Variants in EIF4A2 observed in about 807,000 individuals in gnomAD.
EIF4A2 encodes the protein eukaryotic translation initiation factor 4A2.
Under a neutral mutation model 50.6 loss-of-function variants are expected in EIF4A2, and 9 were observed. The ratio of observed to expected loss-of-function variants is 0.18; its 90% CI spans 0.11 to 0.31. The LOEUF is 0.31. Among genes scored for constraint, EIF4A2 ranks in the 10% least tolerant of loss-of-function variants. EIF4A2 has a pLI of 1.00. For missense variants in EIF4A2, 182 were observed against 501.8 expected, an observed-to-expected ratio of 0.36 and a Z score of 6.09; for synonymous variants, 215 against 164.4, an observed-to-expected ratio of 1.31 and a Z score of -2.35.
Position 186,785,650 on chromosome 3 carries a change from G to A in EIF4A2, c.349-233G>A, listed in dbSNP as rs530902095. The A allele has an allele frequency of 1.2e-5, 6 of 497,040 alleles. No homozygotes were observed. In the South Asian group the frequency reaches 1.7e-4, roughly 14 times the overall value. The allele number at this position is 497,040 out of a possible 1,614,324, so 30.8% of individuals were successfully genotyped here. A position where few individuals can be genotyped will look rare whatever the true frequency, so the allele number is the denominator to read the frequency against. On this transcript the variant is annotated intron_variant, in intron 4 of 10. Transcript: ENST00000323963. ...ATGTAGGAAACGTTATTCTTGGATTGTCTAGCTGATGCGTGGAGCAGCAGC... is the reference window on the plus strand; with the variant it reads ...ATGTAGGAAACGTTATTCTTGGATTATCTAGCTGATGCGTGGAGCAGCAGC...
Position 186,789,365 on chromosome 3 carries a change from T to C in EIF4A2, c.*96T>C. On this transcript the variant is annotated 3_prime_UTR_variant, in exon 11 of 11. Transcript: ENST00000323963. The stretch of plus-strand genomic sequence containing the variant: ...TCTTTCTTTGGGAATATTTGAATCT[T>C]GTCTCAATGCTCATAACGGATCAGA... 1 of 1,484,178 alleles carries C rather than the reference T, an allele frequency of 6.7e-7. No individual in the cohort carries two copies. The highest frequency in any genetic ancestry group is 2.5e-4 in the Middle Eastern group (1 of 3,936). 91.9% of individuals were successfully genotyped at this position (1,484,178 alleles called of 1,614,324 possible). A position where few individuals can be genotyped will look rare whatever the true frequency, so the allele number is the denominator to read the frequency against.
At chr3:186,787,658 G>A (rs773897993) in intron 9 of EIF4A2, 74 bp downstream of exon 9, 36 of 1,598,142 alleles carry the variant, frequency 2.3e-5, no homozygotes, top group Non-Finnish European at 2.8e-5. Flanking sequence ...AGTAACCTTT[G>A]CCAACTTGGG....
Position 186,789,434 on chromosome 3 carries a change from G to A in EIF4A2, c.*165G>A. ...AAAGCGACGTTAGTCGTGAGCTCTT[G>A]TGAGGAAAGTCATTGGCTTTATCCT... is the stretch of plus-strand genomic sequence containing the variant. On this transcript the variant is annotated 3_prime_UTR_variant, in exon 11 of 11. Transcript: ENST00000323963. The A allele has an allele frequency of 1.1e-6, 1 of 948,556 alleles. No homozygotes were observed. Among genetic ancestry groups the A allele is most frequent in the Non-Finnish European group, 1.5e-6 (1 of 674,594 alleles). 58.8% of individuals were successfully genotyped at this position (948,556 alleles called of 1,614,324 possible). A position where few individuals can be genotyped will look rare whatever the true frequency, so the allele number is the denominator to read the frequency against.
At chr3:186,788,427 A>G in intron 10 of EIF4A2, 1 of 1,242,212 alleles carries the variant, frequency 8.1e-7, no homozygotes, top group Non-Finnish European at 1.0e-6. Flanking sequence ...GTCGGTATTT[A>G]TATTTGTTTT....
At chr3:186,784,100 G>GTTGGCA (rs1332791576) in intron 1 of EIF4A2, 5 of 476,900 alleles carry the variant, frequency 1.0e-5, no homozygotes, top group African/African-American at 9.7e-5. Flanking sequence ...CCGGTGAACC[G>GTTGGCA]TTGGCATCGC....
intron 7 of EIF4A2, chr3:186,786,869 A>G (rs762001968): frequency 1.1e-6 from 1 of 878,114 alleles, no homozygotes; most frequent in Non-Finnish European, 1.9e-6. Context: ...ACCTAACAGA[A>G]TGAAGTTAAT....
intron 4 of EIF4A2, chr3:186,785,576 T>G: frequency 2.9e-6 from 1 of 346,168 alleles, no homozygotes; most frequent in Non-Finnish European, 5.3e-6. Context: ...CTAGCTGTAA[T>G]TACAGAACAT....
At chr3:186,786,949 G>T in intron 7 of EIF4A2, 178 bp from the exon 8 acceptor site, 1 of 1,019,448 alleles carries the variant, frequency 9.8e-7, no homozygotes, top group Non-Finnish European at 1.5e-6. Flanking sequence ...GGTATTTTGG[G>T]TAGAGACAGT....
At chr3:186,787,691 A>T in intron 9 of EIF4A2, 107 bp downstream of exon 9, 1 of 1,582,772 alleles carries the variant, frequency 6.3e-7, no homozygotes, top group Non-Finnish European at 8.7e-7. Context: ...GTAAAAGACC[A>T]CACTCCACAG....
In EIF4A2 at chr3:186,787,201, G is replaced by A. The variant is rs149330304; in HGVS notation, c.846G>A (p.Thr282=). The part of the protein sequence containing the change: ...TITQAVIFLN[T]RRKVDWLTEK... Reference sequence around the variant, plus strand: ...CACAGGCTGTTATTTTTCTCAATACGAGGCGCAAGGTGGACTGGCTGACTG... The same window carrying A: ...CACAGGCTGTTATTTTTCTCAATACAAGGCGCAAGGTGGACTGGCTGACTG... The change falls in exon 8 of 11, where the codon ACG becomes ACA. Residue 282 remains threonine (T), a synonymous_variant. Coordinates refer to ENST00000323963, the MANE Select transcript of EIF4A2 (RefSeq NM_001967.4). 16 of 1,613,986 alleles carry A rather than the reference G, an allele frequency of 9.9e-6. No homozygotes were observed. The highest frequency in any genetic ancestry group is 9.3e-5 in the African/African-American group (7 of 74,918).
chr3:186,788,328 G>A (rs1351574740), intron 10 of EIF4A2: 2 of 1,290,106 alleles, frequency 1.6e-6, no homozygotes, highest in African/African-American at 3.0e-5. Flanking sequence ...AGCAGCAGTT[G>A]GTGACGAGAT....
chr3:186,786,060 T>TAATA lies in EIF4A2; in HGVS notation c.517+9_517+10insAATA. 1 of 1,600,714 alleles carries TAATA rather than the reference T, an allele frequency of 6.2e-7. No individual in the cohort carries two copies. Among genetic ancestry groups the TAATA allele is most frequent in the Non-Finnish European group, 8.6e-7 (1 of 1,168,636 alleles). ...AAACAGAAGATACCTTTGTAAGTAT[T>TAATA]GTCTTTAAGAGAGTATTTTTTTTAA... On this transcript the variant is annotated intron_variant, in intron 5 of 10. Coordinates refer to ENST00000323963, the MANE Select transcript of EIF4A2 (RefSeq NM_001967.4).
At position 186,786,063 on chromosome 3, in the gene EIF4A2, C is replaced by G; in HGVS notation, c.517+12C>G. ...CAGAAGATACCTTTGTAAGTATTGT[C>G]TTTAAGAGAGTATTTTTTTTAAAAC... On this transcript the variant is annotated intron_variant, in intron 5 of 10. Coordinates refer to ENST00000323963, the MANE Select transcript of EIF4A2 (RefSeq NM_001967.4). 4 of 1,601,512 alleles carry G rather than the reference C, an allele frequency of 2.5e-6. No individual in the cohort carries two copies. The highest frequency in any genetic ancestry group is 3.4e-6 in the Non-Finnish European group (4 of 1,169,624).
At chr3:186,787,692 C>CA in intron 9 of EIF4A2, 108 bp downstream of exon 9, 1 of 1,578,542 alleles carries the variant, frequency 6.3e-7, no homozygotes, top group Non-Finnish European at 8.7e-7. Context: ...TAAAAGACCA[C>CA]ACTCCACAGT....
In EIF4A2 at chr3:186,789,661, T is replaced by C. The variant is rs372243469; in HGVS notation, c.*392T>C. On this transcript the variant is annotated 3_prime_UTR_variant, in exon 11 of 11. Coordinates refer to ENST00000323963, the MANE Select transcript of EIF4A2 (RefSeq NM_001967.4). Reference sequence around the variant, plus strand: ...AACTAGCATATCTGCCTTTATTGTGTTTGTCATTAGCCTGAGTAGAAAGGC... The same window carrying C: ...AACTAGCATATCTGCCTTTATTGTGCTTGTCATTAGCCTGAGTAGAAAGGC... The C allele has an allele frequency of 8.6e-6, 3 of 350,662 alleles. No individual in the cohort carries two copies. The highest frequency in any genetic ancestry group is 4.4e-5 in the Admixed American group (1 of 22,802). 21.7% of individuals were successfully genotyped at this position (350,662 alleles called of 1,614,324 possible).
Position 186,784,303 on chromosome 3 carries a change from C to T in EIF4A2, c.30-129C>T. On this transcript the variant is annotated intron_variant, in intron 1 of 10. Coordinates refer to ENST00000323963, the MANE Select transcript of EIF4A2 (RefSeq NM_001967.4). ...GAAGGCGCACAGTGTGGATATTCGC[C>T]CTGAGGCTGCTGCTTTAGCTTGTGC... 6 of 1,367,772 alleles carry T rather than the reference C, an allele frequency of 4.4e-6. No individual in the cohort carries two copies. The Admixed American group carries it at 7.5e-5, about 17-fold the overall frequency. 84.7% of individuals were successfully genotyped at this position (1,367,772 alleles called of 1,614,324 possible).
chr3:186,786,258 A>T lies in EIF4A2; in HGVS notation c.612A>T (p.Leu204=). 6.2e-7 allele frequency: 1 copy of T among 1,613,632 alleles called. No homozygotes were observed. The highest frequency in any genetic ancestry group is 8.5e-7 in the Non-Finnish European group (1 of 1,179,808). ...AAATCTATGAGATTTTCCAAAAACT[A>T]AACACAAGTATTCAGGTAAGCATTA... ...KDQIYEIFQK[L]NTSIQVVLLS... The change falls in exon 6 of 11, where the codon CTA becomes CTT. Residue 204 remains leucine, a synonymous_variant. Transcript: ENST00000323963.
In EIF4A2 at chr3:186,787,920, C is replaced by G. The variant is rs758956724; in HGVS notation, c.1079+38C>G. 3 of 1,600,444 alleles carry G rather than the reference C, an allele frequency of 1.9e-6. 1 individual carries two copies. In the South Asian group the frequency reaches 3.3e-5, roughly 18 times the overall value. On this transcript the variant is annotated intron_variant, in intron 10 of 10. Transcript: ENST00000323963. ...CATCTTGGCTGTATTGAAAAAAATT[C>G]ATACGTTTTTCTACTGTGATTTGTA...
At chr3:186,784,011 C>T (rs978873503) in intron 1 of EIF4A2, 6 of 421,916 alleles carry the variant, frequency 1.4e-5, no homozygotes, top group South Asian at 1.4e-4. Context: ...GGGGAGGGTC[C>T]TAGGCTTTAC....
Sources: gnomAD v4.1 joint callset for allele counts on GRCh38, gnomAD v4.1.1 for gene constraint, MANE v1.5 for transcripts, NCBI Gene and HGNC (gene_info 2026-07-23, HGNC 2026-07-21) for gene names.